Variants in FHIP1B observed in about 807,000 individuals in gnomAD.
FHIP1B encodes FHF complex subunit HOOK interacting protein 1B, also known as FHF complex subunit HOOK-interacting protein 1B.
Under a neutral mutation model 82.2 loss-of-function variants are expected in FHIP1B, and 28 were observed. That is an observed-to-expected ratio of 0.34 (90% CI 0.25 to 0.47). The LOEUF (loss-of-function observed/expected upper bound fraction) is 0.47, where lower values mean the gene tolerates loss of function less well. Among genes scored for constraint, FHIP1B ranks in the 20% least tolerant of loss-of-function variants. The pLI is 1.00. For synonymous variants in FHIP1B, 585 were observed against 516.1 expected (o/e 1.13, Z -1.81); for missense variants, 1,110 against 1,262.6 (o/e 0.88, Z 1.83).
intron 9 of FHIP1B, among the ~76,000 whole-genome samples, chr11:6,215,717 G>T (rs924013439): frequency 3.9e-5 from 6 of 152,324 alleles, no homozygotes; most frequent in Admixed American, 3.9e-4. Flanking sequence ...GAAGGGAAAG[G>T]ATCAGCATTA....
In FHIP1B at chr11:6,223,726, G is replaced by A. The variant is rs1225744503; in HGVS notation, c.661C>T (p.His221Tyr). ...LLFSRLVPFV[H>Y]REGTLGQQAR... The stretch of plus-strand genomic sequence containing the variant: ...TGCTGGCCCAGGGTGCCCTCTCGAT[G>A]CACAAAAGGGACAAGGCGAGAAAAG... Residue 221 changes from histidine (H) to tyrosine (Y), a missense_variant, in exon 3 of 12, where the codon CAT (histidine) becomes TAT (tyrosine). Transcript: ENST00000449352. This position sits in a 1 kb window ranked among gnomAD's most constrained non-coding sequence, Gnocchi z 4.8. The A allele has an allele frequency of 3.1e-6, 5 of 1,614,132 alleles. No homozygotes were observed. Among genetic ancestry groups the A allele is most frequent in the Non-Finnish European group, 4.2e-6 (5 of 1,180,032 alleles).
Position 6,223,008 on chromosome 11 carries a change from A to G in FHIP1B, c.936+72T>C, listed in dbSNP as rs1847457913. 6.3e-7 allele frequency: 1 copy of G among 1,582,116 alleles called. No homozygotes were observed. Among genetic ancestry groups the G allele is most frequent in the Admixed American group, 1.7e-5 (1 of 57,748 alleles). Reference sequence around the variant, plus strand: ...CCTACTTCCAAGATGGAAAAATGACAGAACTCCAGGGAATATACCCCCTCC... The same window carrying G: ...CCTACTTCCAAGATGGAAAAATGACGGAACTCCAGGGAATATACCCCCTCC... On this transcript the variant is annotated intron_variant, in intron 4 of 11. Transcript: ENST00000449352. This position sits in a 1 kb window ranked among gnomAD's most constrained non-coding sequence, Gnocchi z 4.8.
chr11:6,220,604 G>T (rs1462953930), intron 6 of FHIP1B, among the ~76,000 whole-genome samples: 1 of 152,162 alleles, frequency 6.6e-6, no homozygotes, highest in Non-Finnish European at 1.5e-5. Flanking sequence ...GGAAAGGAAA[G>T]CATCTACATG....
chr11:6,228,592 G>A (rs2133841108), intron 1 of FHIP1B, among the ~76,000 whole-genome samples: 1 of 152,266 alleles, frequency 6.6e-6, no homozygotes, highest in South Asian at 2.1e-4. Context: ...ATAAATAAAG[G>A]ATGGATGCTA....
chr11:6,231,248 G>A (rs1335305962), intron 1 of FHIP1B, among the ~76,000 whole-genome samples: 1 of 152,114 alleles, frequency 6.6e-6, no homozygotes, highest in East Asian at 1.9e-4. Context: ...GAGTAAAAGA[G>A]CAGAAAGTAT....
rs1847068663 is a variant in FHIP1B at position 6,211,449 on chromosome 11, C to T, written c.*57G>A. 30 of 1,511,532 alleles carry T rather than the reference C, an allele frequency of 2.0e-5. No homozygotes were observed. Among genetic ancestry groups the T allele is most frequent in the Non-Finnish European group, 2.5e-5 (28 of 1,134,322 alleles). 93.6% of individuals were successfully genotyped at this position (1,511,532 alleles called of 1,614,324 possible). A position where few individuals can be genotyped will look rare whatever the true frequency, so the allele number is the denominator to read the frequency against. ...CACTGCCTCCAAACATAAAAAGGAG[C>T]CTGTGCCCTAGCCCCAGCCCGGGCC... On this transcript the variant is annotated 3_prime_UTR_variant, in exon 12 of 12. Coordinates refer to ENST00000449352, the MANE Select transcript of FHIP1B (RefSeq NM_001098794.2).
In FHIP1B at chr11:6,214,844, G is replaced by A; in HGVS notation, c.2283C>T (p.Phe761=). 1.9e-6 allele frequency: 3 copies of A among 1,612,454 alleles called. No individual in the cohort carries two copies. Among genetic ancestry groups the A allele is most frequent in the East Asian group, 2.2e-5 (1 of 44,846 alleles). Residue 761 remains phenylalanine (F), a synonymous_variant, in exon 10 of 12, where the codon TTC becomes TTT. Coordinates refer to ENST00000449352, the MANE Select transcript of FHIP1B (RefSeq NM_001098794.2). ...NMLQNSVYVN[F]LLTGLVAQLA... ...GCTGGGCCACCAGCCCCGTCAGCAG[G>A]AAGTTGACATAGACGGAGTTCTGCA...
intron 1 of FHIP1B, among the ~76,000 whole-genome samples, chr11:6,234,052 C>T (rs1847773314): frequency 6.6e-6 from 1 of 152,164 alleles, no homozygotes; most frequent in South Asian, 2.1e-4. Flanking sequence ...CCTACTTTGT[C>T]TAAAACTATT....
At chr11:6,232,376 CA>C (rs1847721079) in intron 1 of FHIP1B, among the ~76,000 whole-genome samples, 1 of 152,228 alleles carries the variant, frequency 6.6e-6, no homozygotes, top group Non-Finnish European at 1.5e-5. Flanking sequence ...ACTGCGACAG[CA>C]TTAAACATAA....
intron 1 of FHIP1B, among the ~76,000 whole-genome samples, chr11:6,224,939 T>C (rs1847522251): frequency 6.6e-6 from 1 of 152,234 alleles, no homozygotes; most frequent in South Asian, 2.1e-4. Flanking sequence ...ATGCTCAAGC[T>C]GAAAATGTGT....
chr11:6,218,574 T>C, intron 8 of FHIP1B, 26 bp downstream of exon 8: 1 of 1,613,718 alleles, frequency 6.2e-7, no homozygotes, highest in Non-Finnish European at 8.5e-7. Flanking sequence ...TGTCCTCCCT[T>C]CTCCCTGTCT....
intron 1 of FHIP1B, among the ~76,000 whole-genome samples, chr11:6,231,266 G>T (rs1847689964): frequency 6.6e-6 from 1 of 152,174 alleles, no homozygotes; most frequent in East Asian, 1.9e-4. Flanking sequence ...TATGAAAGAT[G>T]ACAATGTAGT....
Position 6,217,862 on chromosome 11 carries a change from G to C in FHIP1B, c.1724C>G (p.Pro575Arg). ...AGGAGAGGGCCGCTCGCCATCATAG[G>C]GGGCAGACCAGGTACGGCAGGCTCG... ...CVRACRTWSA[P>R]YDGERPSPEP... The change falls in exon 9 of 12, where the codon CCC becomes CGC. Residue 575 changes from proline to arginine, a missense_variant. This residue lies in a region of FHIP1B where 418 missense variants were observed against 371.4 expected (regional missense o/e 1.13). Transcript: ENST00000449352. 1 of 1,613,838 alleles carries C rather than the reference G, an allele frequency of 6.2e-7. No homozygotes were observed. The highest frequency in any genetic ancestry group is 8.5e-7 in the Non-Finnish European group (1 of 1,180,022).
intron 1 of FHIP1B, 92 bp from the exon 2 acceptor site, chr11:6,224,799 T>C (rs937296072): frequency 4.7e-6 from 2 of 422,334 alleles, no homozygotes; most frequent in Non-Finnish European, 8.5e-6. Flanking sequence ...CACACACCTA[T>C]ATATACATAC....
rs1847289522 is a variant in FHIP1B, at chr11:6,217,913, G to A, written c.1673C>T (p.Ala558Val). 1 of 1,612,770 alleles carries A rather than the reference G, an allele frequency of 6.2e-7. No homozygotes were observed. Among genetic ancestry groups the A allele is most frequent in the Non-Finnish European group, 8.5e-7 (1 of 1,180,036 alleles). ...EDNYLEYLRE[A>V]RRGVDRCVRA... ...GACACAGCGGTCCACACCACGACGTGCCTCACGCAGATACTCCAGGTAATT... is the reference window on the plus strand; with the variant it reads ...GACACAGCGGTCCACACCACGACGTACCTCACGCAGATACTCCAGGTAATT... Residue 558 changes from alanine (A) to valine (V), a missense_variant, in exon 9 of 12, where the codon GCA (alanine) becomes GTA (valine). By Grantham distance (64) the Ala-to-Val change is moderately conservative. Transcript: ENST00000449352.
At chr11:6,224,273 A>C in intron 2 of FHIP1B, 25 bp from the exon 3 acceptor site, 3 of 1,612,912 alleles carry the variant, frequency 1.9e-6, no homozygotes, top group South Asian at 2.2e-5. Flanking sequence ...CAGAAGATGG[A>C]AGGAATCTAA....
At position 6,219,041 on chromosome 11, in the gene FHIP1B, C is replaced by T; in HGVS notation, c.1201G>A (p.Val401Ile). 6.2e-7 allele frequency: 1 copy of T among 1,612,844 alleles called. No individual in the cohort carries two copies. The highest frequency in any genetic ancestry group is 8.5e-7 in the Non-Finnish European group (1 of 1,179,348). Residue 401 changes from valine to isoleucine, a missense_variant, in exon 7 of 12, where the codon GTC becomes ATC. Val to Ile is a conservative substitution (Grantham distance 29). Transcript: ENST00000449352. ...RIGSNSRLCM[V>I]SLSLFRTLLN... is the part of the protein sequence containing the mutation. ...AGGGTCCTGAAGAGACTCAGAGAGA[C>T]CATGCAGAGCTGGGGGGGTGGAGGG...
chr11:6,232,422 C>A (rs1394799111), intron 1 of FHIP1B, among the ~76,000 whole-genome samples: 1 of 152,330 alleles, frequency 6.6e-6, no homozygotes, highest in African/African-American at 2.4e-5. Context: ...AGTCCCTTTT[C>A]TGTCTTTTGG....
Position 6,214,746 on chromosome 11 carries a change from T to G in FHIP1B, c.2381A>C (p.Lys794Thr). Residue 794 changes from lysine to threonine, a missense_variant, in exon 10 of 12, where the codon AAG becomes ACG. This residue lies in a region of FHIP1B where 39 missense variants were observed against 79.6 expected (regional missense o/e 0.49). Transcript: ENST00000449352. ...TGCATCGCACACCTGCAGCAGGGAC[T>G]TGACACTGGGCTGGAAGACCATGTT... ...NTNMVFQPSV[K>T]SLLQVLGSVK... The G allele has an allele frequency of 6.3e-7, 1 of 1,582,850 alleles. No homozygotes were observed. Among genetic ancestry groups the G allele is most frequent in the Non-Finnish European group, 8.6e-7 (1 of 1,161,752 alleles).
Sources: gnomAD v4.1 joint callset for allele counts (sites outside exome capture counted in the v4.1 genomes callset) on GRCh38, gnomAD v4.1.1 for gene constraint, gnomAD v4.1.1 regional missense constraint, Gnocchi (gnomAD v3.1) non-coding constraint, MANE v1.5 for transcripts, NCBI Gene and HGNC (gene_info 2026-07-23, HGNC 2026-07-21) for gene names.